Variants in SEMA5A observed in about 807,000 individuals in gnomAD.
SEMA5A encodes the protein semaphorin-5A.
Under a neutral mutation model 135.5 loss-of-function variants are expected in SEMA5A, and 55 were observed. The ratio of observed to expected loss-of-function variants is 0.41; its 90% CI spans 0.33 to 0.51. The LOEUF (loss-of-function observed/expected upper bound fraction) is 0.51. SEMA5A is among the 20% of genes least tolerant of loss of function. The pLI is 0.37. For synonymous variants in SEMA5A, 580 were observed against 546.5 expected (o/e 1.06, Z -0.85); for missense variants, 1,290 against 1,419.9 (o/e 0.91, Z 1.47).
chr5:9,523,838 T>A (rs1186891313), intron 1 of SEMA5A, among the ~76,000 whole-genome samples: 1 of 152,240 alleles, frequency 6.6e-6, no homozygotes. Flanking sequence ...ACAGATGGTG[T>A]ACAGGGTCAA....
At chr5:9,343,422 T>A (rs1190822263) in intron 3 of SEMA5A, among the ~76,000 whole-genome samples, 1 of 151,930 alleles carries the variant, frequency 6.6e-6, no homozygotes, top group African/African-American at 2.4e-5. Flanking sequence ...AAGAGCTGTG[T>A]CTTCACCTCC....
intron 1 of SEMA5A, among the ~76,000 whole-genome samples, chr5:9,525,298 A>T (rs1238004625): frequency 1.3e-5 from 2 of 152,228 alleles, no homozygotes; most frequent in Non-Finnish European, 2.9e-5. Flanking sequence ...TTTACAAGAA[A>T]ACTTTGCTGA....
At chr5:9,120,349 T>C (rs1740747092) in intron 14 of SEMA5A, among the ~76,000 whole-genome samples, 1 of 152,120 alleles carries the variant, frequency 6.6e-6, no homozygotes, top group Admixed American at 6.5e-5. Context: ...ATATGTTGAA[T>C]ATATCATATT....
intron 14 of SEMA5A, among the ~76,000 whole-genome samples, chr5:9,121,010 T>C (rs1423832949): frequency 6.6e-6 from 1 of 152,152 alleles, no homozygotes; most frequent in Admixed American, 6.5e-5. Context: ...ACTCCCGACC[T>C]CAGGTGATCT....
rs371624258 is a variant in SEMA5A, at chr5:9,202,285, A to G, written c.647-45T>C. On this transcript the variant is annotated intron_variant, in intron 8 of 22. Coordinates refer to ENST00000382496, the MANE Select transcript of SEMA5A (RefSeq NM_003966.3). ...GGGAAAAAATCTCAACATTCATGTC[A>G]TTCCCTTTTGGTCTTGCCTGCTCAG... 4 of 1,590,478 alleles carry G rather than the reference A, an allele frequency of 2.5e-6. No homozygotes were observed. The East Asian group carries it at 9.0e-5, about 36-fold the overall frequency.
At chr5:9,329,846 T>C (rs181680612) in intron 4 of SEMA5A, among the ~76,000 whole-genome samples, 72 of 152,286 alleles carry the variant, frequency 4.7e-4, no homozygotes, top group Middle Eastern at 6.8e-3. Flanking sequence ...ATCAAATGGA[T>C]TGGTATTTGC....
intron 5 of SEMA5A, among the ~76,000 whole-genome samples, chr5:9,279,032 C>G (rs1042436712): frequency 6.6e-6 from 1 of 152,128 alleles, no homozygotes; most frequent in Non-Finnish European, 1.5e-5. Flanking sequence ...TCCTCCAGAC[C>G]GTAGAATTAT....
intron 1 of SEMA5A, among the ~76,000 whole-genome samples, chr5:9,532,640 A>T (rs543282848): frequency 9.9e-5 from 15 of 152,224 alleles, no homozygotes; most frequent in African/African-American, 3.6e-4. Context: ...AAATGTAAAT[A>T]TAATTCTTTC....
At chr5:9,131,062 T>C (rs1414880264) in intron 13 of SEMA5A, among the ~76,000 whole-genome samples, 1 of 152,192 alleles carries the variant, frequency 6.6e-6, no homozygotes, top group Non-Finnish European at 1.5e-5. Context: ...TAGGTGTTTA[T>C]TTGCTCCTTG....
chr5:9,403,769 G>A (rs1756764924), intron 2 of SEMA5A, among the ~76,000 whole-genome samples: 1 of 152,118 alleles, frequency 6.6e-6, no homozygotes, highest in Non-Finnish European at 1.5e-5. Context: ...TATTAAAATA[G>A]GAGGGAACGA....
intron 1 of SEMA5A, among the ~76,000 whole-genome samples, chr5:9,500,168 A>G (rs268503): frequency 0.97 from 147,976 of 152,290 alleles, 72,124 homozygotes; most frequent in Non-Finnish European, 1. Flanking sequence ...GATGTAAATT[A>G]CTAAGTCAAT....
intron 16 of SEMA5A, among the ~76,000 whole-genome samples, chr5:9,067,738 A>T (rs1724421982): frequency 6.6e-6 from 1 of 152,096 alleles, no homozygotes; most frequent in African/African-American, 2.4e-5. Flanking sequence ...AATATTCTTG[A>T]TTACTTCATT....
intron 16 of SEMA5A, among the ~76,000 whole-genome samples, chr5:9,090,395 A>C (rs1437145275): frequency 6.6e-6 from 1 of 152,224 alleles, no homozygotes; most frequent in African/African-American, 2.4e-5. Flanking sequence ...ATAGCTCTTT[A>C]ACTTCTAATG....
At chr5:9,223,848 A>T (rs1017917803) in intron 8 of SEMA5A, among the ~76,000 whole-genome samples, 2 of 152,184 alleles carry the variant, frequency 1.3e-5, no homozygotes, top group Admixed American at 6.5e-5. Context: ...GGCTTTGTAC[A>T]CAGCGAACCT....
chr5:9,189,500 C>T (rs1280940501), intron 11 of SEMA5A, among the ~76,000 whole-genome samples: 1 of 150,626 alleles, frequency 6.6e-6, no homozygotes, highest in African/African-American at 2.4e-5. Flanking sequence ...GCAACAAAAA[C>T]AGTAATCGTG....
At chr5:9,169,957 T>C (rs1743823323) in intron 11 of SEMA5A, among the ~76,000 whole-genome samples, 1 of 152,252 alleles carries the variant, frequency 6.6e-6, no homozygotes, top group African/African-American at 2.4e-5. Context: ...GGTTTTCTGA[T>C]GTTTGGATAC....
At chr5:9,277,029 C>G (rs1750298387) in intron 5 of SEMA5A, among the ~76,000 whole-genome samples, 1 of 151,832 alleles carries the variant, frequency 6.6e-6, no homozygotes, top group Non-Finnish European at 1.5e-5. Flanking sequence ...ACAGGCAACC[C>G]AAAGAAAGGG....
chr5:9,505,143 A>AC (rs897918574), intron 1 of SEMA5A, among the ~76,000 whole-genome samples: 17 of 152,080 alleles, frequency 1.1e-4, no homozygotes, highest in African/African-American at 2.2e-4. Context: ...TCTAAAACAA[A>AC]AAAAAAAAAT....
chr5:9,197,403 G>C, intron 9 of SEMA5A, 100 bp from the exon 10 acceptor site: 1 of 1,385,560 alleles, frequency 7.2e-7, no homozygotes. Flanking sequence ...ACAGCTTCCA[G>C]AGGTCTCAAG....
Sources: gnomAD v4.1 joint callset for allele counts (sites outside exome capture counted in the v4.1 genomes callset) on GRCh38, gnomAD v4.1.1 for gene constraint, MANE v1.5 for transcripts, NCBI Gene and HGNC (gene_info 2026-07-23, HGNC 2026-07-21) for gene names.